SLC6A17: variants seen among roughly 807,000 people sequenced by gnomAD.
SLC6A17 encodes solute carrier family 6 member 17.
SLC6A17 carries 21 observed loss-of-function variants against 64.5 expected under a neutral mutation model. That is an observed-to-expected ratio of 0.33 (90% confidence interval 0.23 to 0.47). SLC6A17 has a LOEUF of 0.47. Ranked by LOEUF, SLC6A17 falls within the 20% of genes least tolerant of loss-of-function variation. The pLI, the probability that SLC6A17 is intolerant of heterozygous loss-of-function variation, is 1.00. For missense variants in SLC6A17, 682 were observed against 963.2 expected (o/e 0.71, Z 3.86); for synonymous variants, 372 against 399.5 (o/e 0.93, Z 0.82).
intron 6 of SLC6A17, among the ~76,000 whole-genome samples, chr1:110,183,741 C>A (rs1370243479): frequency 1.3e-5 from 2 of 152,136 alleles, no homozygotes; most frequent in African/African-American, 4.8e-5. Flanking sequence ...GAGGGAAAGG[C>A]TGGGCCACGG....
At chr1:110,179,120 T>C (rs1656446107) in intron 6 of SLC6A17, among the ~76,000 whole-genome samples, 1 of 152,254 alleles carries the variant, frequency 6.6e-6, no homozygotes, top group Admixed American at 6.5e-5. Context: ...AGTGCATCAG[T>C]TTTCATGGAT....
chr1:110,194,106 G>A (rs115100633), intron 8 of SLC6A17, among the ~76,000 whole-genome samples: 4,554 of 152,288 alleles, frequency 0.03, 80 homozygotes, highest in Non-Finnish European at 0.033. Flanking sequence ...GTCATTGTCC[G>A]TGGGGTGAGA....
chr1:110,154,652 T>TA (rs1303911616), intron 1 of SLC6A17, among the ~76,000 whole-genome samples: 1 of 152,170 alleles, frequency 6.6e-6, no homozygotes, highest in Non-Finnish European at 1.5e-5. Context: ...CTCATTCCCT[T>TA]AAAATCTGTC....
chr1:110,197,638 C>G, intron 11 of SLC6A17, 39 bp downstream of exon 11: 1 of 1,544,124 alleles, frequency 6.5e-7, no homozygotes, highest in Non-Finnish European at 8.7e-7. Context: ...ACATTTGCAT[C>G]TTCTCAGGCC....
chr1:110,152,571 T>A (rs1279581083), intron 1 of SLC6A17, among the ~76,000 whole-genome samples: 1 of 152,092 alleles, frequency 6.6e-6, no homozygotes, highest in African/African-American at 2.4e-5. Flanking sequence ...GAGCTCTGAC[T>A]CCTTGGGAAG....
intron 11 of SLC6A17, 123 bp from the exon 12 acceptor site, chr1:110,197,953 A>G: frequency 4.1e-6 from 6 of 1,473,678 alleles, no homozygotes; most frequent in Non-Finnish European, 5.4e-6. Flanking sequence ...GTGCCTGGCC[A>G]GGATGGTGGG....
At chr1:110,158,928 G>A (rs1655828799) in intron 1 of SLC6A17, among the ~76,000 whole-genome samples, 1 of 152,214 alleles carries the variant, frequency 6.6e-6, no homozygotes, top group Non-Finnish European at 1.5e-5. Flanking sequence ...CTAGTTGGGT[G>A]GGAAACTTTG....
intron 1 of SLC6A17, among the ~76,000 whole-genome samples, chr1:110,157,034 C>G (rs180908485): frequency 6.6e-6 from 1 of 152,226 alleles, no homozygotes; most frequent in Non-Finnish European, 1.5e-5. Context: ...GAGGCTTTCA[C>G]TAGTTATTCC....
chr1:110,165,167 C>G (rs555157792), intron 1 of SLC6A17, among the ~76,000 whole-genome samples: 83 of 152,306 alleles, frequency 5.4e-4, no homozygotes, highest in African/African-American at 1.9e-3. Flanking sequence ...AGGAGAGGAG[C>G]TCGCCCTGGC....
intron 6 of SLC6A17, among the ~76,000 whole-genome samples, 161 bp downstream of exon 6, chr1:110,176,900 C>T (rs1656391311): frequency 1.3e-5 from 2 of 152,198 alleles, no homozygotes; most frequent in Admixed American, 1.3e-4. Flanking sequence ...GGGCATGGGC[C>T]CTGCCCTCCA....
chr1:110,163,632 T>C (rs1655974273), intron 1 of SLC6A17, among the ~76,000 whole-genome samples: 1 of 152,084 alleles, frequency 6.6e-6, no homozygotes, highest in Non-Finnish European at 1.5e-5. Context: ...ACACAGCTAG[T>C]GTGTGGCCAA....
At position 110,150,588 on chromosome 1, in the gene SLC6A17, C is replaced by T. The variant is rs1348080687; in HGVS notation, c.-383C>T. 1 of 152,310 alleles carries T rather than the reference C, an allele frequency of 6.6e-6. No homozygotes were observed. Among genetic ancestry groups the T allele is most frequent in the African/African-American group, 2.4e-5 (1 of 41,464 alleles). 9.4% of individuals were successfully genotyped at this position (152,310 alleles called of 1,614,324 possible). Reference sequence around the variant, plus strand: ...CTGCCAGGGCGCAGGGAGGGCGGCACTCGGCCCCAGTCTTCGCAATCCCGC... The same window carrying T: ...CTGCCAGGGCGCAGGGAGGGCGGCATTCGGCCCCAGTCTTCGCAATCCCGC... On this transcript the variant is annotated 5_prime_UTR_variant, in exon 1 of 12. Transcript: ENST00000331565.
At chr1:110,189,808 C>T (rs902947511) in intron 6 of SLC6A17, among the ~76,000 whole-genome samples, 5 of 152,190 alleles carry the variant, frequency 3.3e-5, no homozygotes, top group Admixed American at 6.5e-5. Context: ...CTTGTGGCCT[C>T]GCTTTCATCA....
At chr1:110,165,655 AG>A (rs1039366350) in intron 1 of SLC6A17, among the ~76,000 whole-genome samples, 3 of 152,206 alleles carry the variant, frequency 2.0e-5, no homozygotes, top group African/African-American at 7.2e-5. Context: ...GGGGTCAGCC[AG>A]GATGTCTGGG....
Position 110,176,652 on chromosome 1 carries a change from C to A in SLC6A17, c.777C>A (p.Phe259Leu). ...AGGTGATGTATTTCAGCTCCCTCTT[C>A]CCCTACGTGGTGCTGGCCTGCTTCC... ...SGKVMYFSSLFPYVVLACFLV... is the reference protein window; with the variant it reads ...SGKVMYFSSLLPYVVLACFLV... Residue 259 changes from phenylalanine to leucine, a missense_variant, in exon 6 of 12, where the codon TTC (phenylalanine) becomes TTA (leucine). Phe to Leu is a conservative substitution (Grantham distance 22, BLOSUM62 0). Transcript: ENST00000331565. 1 of 1,614,104 alleles carries A rather than the reference C, an allele frequency of 6.2e-7. No homozygotes were observed. The highest frequency in any genetic ancestry group is 1.1e-5 in the South Asian group (1 of 91,084).
At chr1:110,190,920 A>G (rs1656808866) in intron 6 of SLC6A17, among the ~76,000 whole-genome samples, 1 of 152,168 alleles carries the variant, frequency 6.6e-6, no homozygotes, top group Non-Finnish European at 1.5e-5. Flanking sequence ...TGAGCAAGTC[A>G]TTTCATCTTT....
At chr1:110,190,455 C>T (rs900934551) in intron 6 of SLC6A17, among the ~76,000 whole-genome samples, 1 of 152,194 alleles carries the variant, frequency 6.6e-6, no homozygotes, top group Non-Finnish European at 1.5e-5. Flanking sequence ...CTGAGCTTGC[C>T]AACATCTCAG....
At chr1:110,184,203 C>T (rs765144804) in intron 6 of SLC6A17, among the ~76,000 whole-genome samples, 16 of 152,076 alleles carry the variant, frequency 1.1e-4, no homozygotes, top group Admixed American at 2.6e-4. Context: ...CTCCGCCTCC[C>T]GGGTTCAAAC....
rs1657064354 is a variant in SLC6A17 at position 110,199,594 on chromosome 1, A to G, written c.*1150A>G. The G allele has an allele frequency of 5.1e-6, 1 of 195,650 alleles. No individual in the cohort carries two copies. The highest frequency in any genetic ancestry group is 2.3e-5 in the African/African-American group (1 of 43,196). 12.1% of individuals were successfully genotyped at this position (195,650 alleles called of 1,614,324 possible). A position where few individuals can be genotyped will look rare whatever the true frequency, so the allele number is the denominator to read the frequency against. ...CGCCCAGTGTGCACATCATGTGCAGACACCTTGGAAACCTTTCCCAAGCCT... is the reference window on the plus strand; with the variant it reads ...CGCCCAGTGTGCACATCATGTGCAGGCACCTTGGAAACCTTTCCCAAGCCT... On this transcript the variant is annotated 3_prime_UTR_variant, in exon 12 of 12. Coordinates refer to ENST00000331565, the MANE Select transcript of SLC6A17 (RefSeq NM_001010898.4).
Sources: gnomAD v4.1 joint callset for allele counts (sites outside exome capture counted in the v4.1 genomes callset) on GRCh38, gnomAD v4.1.1 for gene constraint, MANE v1.5 for transcripts, NCBI Gene and HGNC (gene_info 2026-07-23, HGNC 2026-07-21) for gene names.